RFX2: variants seen among roughly 807,000 people sequenced by gnomAD.
The protein encoded by RFX2 is regulatory factor X2.
Under a neutral mutation model 87.8 loss-of-function variants are expected in RFX2, and 20 were observed. The ratio of observed to expected loss-of-function variants is 0.23; its 90% confidence interval spans 0.16 to 0.33. The LOEUF is 0.33. Ranked by LOEUF, RFX2 falls within the 10% of genes least tolerant of loss-of-function variation. RFX2 has a pLI of 1.00. For missense variants in RFX2, 767 were observed against 1,012.3 expected, an observed-to-expected ratio of 0.76 and a Z score of 3.29; for synonymous variants, 397 against 431.3, an observed-to-expected ratio of 0.92 and a Z score of 0.98.
At chr19:6,077,277 T>G (rs1295028406) in intron 1 of RFX2, among the ~76,000 whole-genome samples, 1 of 152,240 alleles carries the variant, frequency 6.6e-6, no homozygotes, top group Non-Finnish European at 1.5e-5. Flanking sequence ...ACCTGGTGGC[T>G]TTGCCAATTC....
chr19:6,070,444 C>A (rs2087590678), intron 1 of RFX2, among the ~76,000 whole-genome samples: 1 of 152,038 alleles, frequency 6.6e-6, no homozygotes, highest in South Asian at 2.1e-4. Flanking sequence ...TTACTCCTCG[C>A]CAGCCTCAAT....
chr19:6,041,384 G>A (rs1463540595), intron 4 of RFX2, among the ~76,000 whole-genome samples: 4 of 152,162 alleles, frequency 2.6e-5, no homozygotes, highest in African/African-American at 7.2e-5. Context: ...AAGGACTCAC[G>A]TCTAAAGTAA....
intron 9 of RFX2, 156 bp from the exon 10 acceptor site, chr19:6,008,380 T>C: frequency 6.3e-6 from 3 of 473,880 alleles, no homozygotes; most frequent in South Asian, 5.1e-5. Flanking sequence ...TTTTTCTTTT[T>C]TTTTTTTTTG....
At position 6,056,486 on chromosome 19, in the gene RFX2, T is replaced by C. The variant is rs907160388; in HGVS notation, c.-8-8982A>G. Among the ~76,000 whole-genome samples the C allele has an allele frequency of 1.3e-5, 2 of 152,028 alleles. No individual in the cohort carries two copies. Among genetic ancestry groups the C allele is most frequent in the Admixed American group, 6.6e-5 (1 of 15,266 alleles). ...AGAAGGGGTGATGCTGGATCCTGAGTAACTCCTCCACCTGGCAGAGGAGAG... is the reference window on the plus strand; with the variant it reads ...AGAAGGGGTGATGCTGGATCCTGAGCAACTCCTCCACCTGGCAGAGGAGAG... On this transcript the variant is annotated intron_variant, in intron 1 of 17. Transcript: ENST00000303657. The surrounding 1 kb of genome is among the most constrained non-coding windows in gnomAD (Gnocchi z 4.6).
In RFX2 at chr19:6,061,854, C is replaced by A. The variant is rs980006049; in HGVS notation, c.-8-14350G>T. Among the ~76,000 whole-genome samples the A allele has an allele frequency of 1.3e-5, 2 of 152,056 alleles. No homozygotes were observed. ...AAGGGAATGATATAGCTGATGTGCC[C>A]ACCCCGAGTGTGGATCCCAGCAGGT... On this transcript the variant is annotated intron_variant, in intron 1 of 17. Transcript: ENST00000303657. This position sits in a 1 kb window ranked among gnomAD's most constrained non-coding sequence, Gnocchi z 5.2.
chr19:6,018,778 C>T (rs2086765573), intron 6 of RFX2, among the ~76,000 whole-genome samples: 1 of 152,220 alleles, frequency 6.6e-6, no homozygotes, highest in South Asian at 2.1e-4. Flanking sequence ...CGTCCTGCCT[C>T]TGGGGCAAGC....
intron 1 of RFX2, chr19:6,073,544 C>T (rs905990628): frequency 1.8e-5 from 10 of 561,018 alleles, no homozygotes; most frequent in Non-Finnish European, 2.5e-5. Context: ...GGCTCATGTG[C>T]ATGTTTTGTG....
In RFX2 at chr19:5,997,988, C is replaced by T. The variant is rs969975316; in HGVS notation, c.1860-775G>A. Among the ~76,000 whole-genome samples, 3 of 152,032 alleles carry T rather than the reference C, an allele frequency of 2.0e-5. No individual in the cohort carries two copies. The highest frequency in any genetic ancestry group is 7.3e-5 in the African/African-American group (3 of 41,354). On this transcript the variant is annotated intron_variant, in intron 15 of 17. Transcript: ENST00000303657. This position sits in a 1 kb window ranked among gnomAD's most constrained non-coding sequence, Gnocchi z 4.2. ...ACTACCTGGTTCTTTCTGGGAGAGG[C>T]GGCCCCTGACCTAAAGGATCAGTAT...
rs2086435690 is a variant in RFX2, at chr19:5,997,799, T to C, written c.1860-586A>G. Reference sequence around the variant, plus strand: ...CGCGTCCAGCCCTCAGCCTGTGTGCTGACAATGCTTTACATTTTGAAATGG... The same window carrying C: ...CGCGTCCAGCCCTCAGCCTGTGTGCCGACAATGCTTTACATTTTGAAATGG... On this transcript the variant is annotated intron_variant, in intron 15 of 17. Transcript: ENST00000303657. The surrounding 1 kb of genome is among the most constrained non-coding windows in gnomAD (Gnocchi z 4.2). Among the ~76,000 whole-genome samples, 1 of 152,232 alleles carries C rather than the reference T, an allele frequency of 6.6e-6. No homozygotes were observed. Among genetic ancestry groups the C allele is most frequent in the Non-Finnish European group, 1.5e-5 (1 of 68,038 alleles).
chr19:5,996,132 A>C (rs1051046656), intron 16 of RFX2, among the ~76,000 whole-genome samples: 1 of 152,080 alleles, frequency 6.6e-6, no homozygotes, highest in Non-Finnish European at 1.5e-5. Flanking sequence ...TCTGGGTAGT[A>C]AGAGTGCAGG....
At chr19:6,031,561 C>T (rs2086954223) in intron 5 of RFX2, among the ~76,000 whole-genome samples, 1 of 150,598 alleles carries the variant, frequency 6.6e-6, no homozygotes, top group South Asian at 2.1e-4. Flanking sequence ...TCCCGAGCAG[C>T]TGGGATTACA....
At chr19:6,015,243 C>A (rs1294198486) in intron 7 of RFX2, among the ~76,000 whole-genome samples, 1 of 152,018 alleles carries the variant, frequency 6.6e-6, no homozygotes, top group African/African-American at 2.4e-5. Context: ...GCCTGGCCAC[C>A]ATGTCGAAAC....
At chr19:6,080,659 G>A (rs927486659) in intron 1 of RFX2, among the ~76,000 whole-genome samples, 1 of 152,208 alleles carries the variant, frequency 6.6e-6, no homozygotes, top group African/African-American at 2.4e-5. Flanking sequence ...ATGTGGGAGA[G>A]AGCAGCCTGG....
At position 6,002,679 on chromosome 19, in the gene RFX2, G is replaced by A; in HGVS notation, c.1650+42C>T. The A allele has an allele frequency of 1.2e-6, 2 of 1,605,634 alleles. No homozygotes were observed. The highest frequency in any genetic ancestry group is 1.7e-6 in the Non-Finnish European group (2 of 1,174,934). On this transcript the variant is annotated intron_variant, in intron 14 of 17. Coordinates refer to ENST00000303657, the MANE Select transcript of RFX2 (RefSeq NM_000635.4). The surrounding 1 kb of genome is among the most constrained non-coding windows in gnomAD (Gnocchi z 6.7). ...GGTGGGTTTGCTGGTTTTGCTGGAG[G>A]GCGGGAAGCCCGGGCCCTGGGGACG...
rs2087202995 is a variant in RFX2 at position 6,047,200 on chromosome 19, T to TC, written c.90+206dup. Among the ~76,000 whole-genome samples, 3 of 152,252 alleles carry TC rather than the reference T, an allele frequency of 2.0e-5. No individual in the cohort carries two copies. In the South Asian group the frequency reaches 6.2e-4, roughly 31 times the overall value. ...TTTCTTTTCCATTCATGTCATTGTT[T>TC]CCTTGATGGGATCTTTTTAACAAAT... On this transcript the variant is annotated intron_variant, in intron 2 of 17. Transcript: ENST00000303657. This position sits in a 1 kb window ranked among gnomAD's most constrained non-coding sequence, Gnocchi z 4.2.
In RFX2 at chr19:6,039,561, C is replaced by A. The variant is rs978581969; in HGVS notation, c.522+419G>T. Among the ~76,000 whole-genome samples, 1 of 152,200 alleles carries A rather than the reference C, an allele frequency of 6.6e-6. No homozygotes were observed. The highest frequency in any genetic ancestry group is 6.5e-5 in the Admixed American group (1 of 15,288). ...GCATCGGGGCATGGCAGCGAGAACT[C>A]GGCAGAGGCTGCAGGGAAACTTCCC... is the stretch of plus-strand genomic sequence containing the variant. On this transcript the variant is annotated intron_variant, in intron 5 of 17. Coordinates refer to ENST00000303657, the MANE Select transcript of RFX2 (RefSeq NM_000635.4). This position sits in a 1 kb window ranked among gnomAD's most constrained non-coding sequence, Gnocchi z 5.2.
intron 16 of RFX2, among the ~76,000 whole-genome samples, chr19:5,996,599 C>T (rs1039633125): frequency 6.6e-6 from 1 of 152,176 alleles, no homozygotes; most frequent in Non-Finnish European, 1.5e-5. Flanking sequence ...TTTGGGGTGA[C>T]GGAATGTTCT....
rs146755124 is a variant in RFX2 at position 6,063,722 on chromosome 19, G to T, written c.-8-16218C>A. 6.6e-6 allele frequency among the ~76,000 whole-genome samples: 1 copy of T among 152,170 alleles called. No homozygotes were observed. Among genetic ancestry groups the T allele is most frequent in the African/African-American group, 2.4e-5 (1 of 41,432 alleles). On this transcript the variant is annotated intron_variant, in intron 1 of 17. Transcript: ENST00000303657. The surrounding 1 kb of genome is among the most constrained non-coding windows in gnomAD (Gnocchi z 4.0). ...CAGGCTTTCCTGACCTCAGCAATGC[G>T]GATATGAGGGGCAGGAATACACTCT... is the stretch of plus-strand genomic sequence containing the variant.
intron 5 of RFX2, among the ~76,000 whole-genome samples, chr19:6,035,757 GC>G (rs2144753507): frequency 6.6e-6 from 1 of 152,018 alleles, no homozygotes; most frequent in South Asian, 2.1e-4. Flanking sequence ...ATGTTCTTAT[GC>G]CAACAACAAG....
Sources: allele counts gnomAD v4.1 joint callset (sites outside exome capture counted in the v4.1 genomes callset), GRCh38; gene constraint gnomAD v4.1.1; non-coding constraint Gnocchi (gnomAD v3.1); transcripts MANE v1.5; gene names NCBI Gene and HGNC (gene_info 2026-07-23, HGNC 2026-07-21).